TG: variants seen among roughly 807,000 people sequenced by gnomAD.
TG encodes thyroglobulin, also known as thyroid hormones.
A neutral mutation model predicts 324.7 loss-of-function variants in TG; 270 were observed. That is an observed-to-expected ratio of 0.83 (90% confidence interval 0.75 to 0.92). The LOEUF (loss-of-function observed/expected upper bound fraction) is 0.92. TG is among the 40% of genes least tolerant of loss of function. TG has a pLI of 0.00. For missense variants in TG, 3,591 were observed against 3,456.4 expected (o/e 1.04, Z -0.98); for synonymous variants, 1,401 against 1,327.0 (o/e 1.06, Z -1.21).
Position 132,908,166 on chromosome 8 carries a change from T to C in TG, c.3848-20T>C, listed in dbSNP as rs2261147. The C allele has an allele frequency of 0.59, 950,520 of 1,611,638 alleles. 291,529 individuals are homozygous for C. The highest frequency in any genetic ancestry group is 0.64 in the Admixed American group (38,593 of 59,950). The stretch of plus-strand genomic sequence containing the variant: ...TCTACAGGCCCATTGCCTCTGCTGA[T>C]CTCTGGTGCTTGCCTGCAGGGCCCC... On this transcript the variant is annotated intron_variant, in intron 17 of 47. Coordinates refer to ENST00000220616, the MANE Select transcript of TG (RefSeq NM_003235.5).
chr8:133,034,893 G>A (rs564227757), intron 41 of TG, among the ~76,000 whole-genome samples: 1 of 152,258 alleles, frequency 6.6e-6, no homozygotes, highest in African/African-American at 2.4e-5. Flanking sequence ...CCCTCTTTAG[G>A]TATGGTTACA....
intron 41 of TG, among the ~76,000 whole-genome samples, chr8:133,057,779 AAAAAAAAAC>A (rs1841720622): frequency 6.6e-6 from 1 of 151,966 alleles, no homozygotes; most frequent in South Asian, 2.1e-4. Flanking sequence ...AAAAACAAAA[AAAAAAAAAC>A]AAAAAAACAG....
chr8:133,068,075 C>G (rs1440819782), intron 41 of TG, among the ~76,000 whole-genome samples: 1 of 152,194 alleles, frequency 6.6e-6, no homozygotes, highest in African/African-American at 2.4e-5. Flanking sequence ...TGATAGGATA[C>G]CTCAATCCTG....
chr8:132,953,364 A>G (rs984262952), intron 27 of TG, among the ~76,000 whole-genome samples: 1 of 152,132 alleles, frequency 6.6e-6, no homozygotes, highest in Non-Finnish European at 1.5e-5. Flanking sequence ...AGATGCAAAG[A>G]TGGGGACAGT....
At chr8:132,929,988 C>T (rs1308995388) in intron 23 of TG, among the ~76,000 whole-genome samples, 2 of 152,124 alleles carry the variant, frequency 1.3e-5, no homozygotes, top group South Asian at 4.1e-4. Context: ...GTTTTACAAC[C>T]CTGTGCTCCT....
intron 16 of TG, among the ~76,000 whole-genome samples, chr8:132,906,343 A>G (rs965014135): frequency 1.3e-5 from 2 of 152,088 alleles, no homozygotes; most frequent in Non-Finnish European, 2.9e-5. Context: ...GCAGATACTA[A>G]GTTCAGGCCT....
chr8:133,060,003 C>A, intron 41 of TG: 7 of 1,257,782 alleles, frequency 5.6e-6, no homozygotes, highest in Non-Finnish European at 7.6e-6. Flanking sequence ...TACCCATTGC[C>A]CCATTTAAGT....
At position 132,876,784 on chromosome 8, in the gene TG, A is replaced by G. The variant is rs114475817; in HGVS notation, c.638+3563A>G. 3.4e-3 allele frequency among the ~76,000 whole-genome samples: 516 copies of G among 152,344 alleles called. 5 individuals are homozygous for G. The highest frequency in any genetic ancestry group is 0.012 in the African/African-American group (500 of 41,570). ...ACACATTCTGACCAAGCAGATCATA[A>G]GTAAAGGTCTTAAGAGCCTTCAAGC... On this transcript the variant is annotated intron_variant, in intron 5 of 47. Transcript: ENST00000220616.
rs774227997 is a variant in TG, at chr8:132,983,331, A to T, written c.6200-19A>T. 1.2e-6 allele frequency: 2 copies of T among 1,613,602 alleles called. No homozygotes were observed. Among genetic ancestry groups the T allele is most frequent in the East Asian group, 4.5e-5 (2 of 44,886 alleles). On this transcript the variant is annotated intron_variant, in intron 34 of 47. Coordinates refer to ENST00000220616, the MANE Select transcript of TG (RefSeq NM_003235.5). ...CATGGGGGTAGAAAAGAACTGAAAG[A>T]CTGCTTTTTCCTTTTCAGTTGCTCA...
chr8:133,093,850 G>A (rs1847973985), intron 41 of TG, among the ~76,000 whole-genome samples: 1 of 152,220 alleles, frequency 6.6e-6, no homozygotes, highest in African/African-American at 2.4e-5. Flanking sequence ...TGTTACATGG[G>A]ACAGTAAGAG....
Position 133,022,368 on chromosome 8 carries a change from T to G in TG, c.7036+218T>G, listed in dbSNP as rs3758113. On this transcript the variant is annotated intron_variant, in intron 40 of 47. Coordinates refer to ENST00000220616, the MANE Select transcript of TG (RefSeq NM_003235.5). ...TGATAACTTACTACATGTCTGAGCTTCACTGCTCCAAGTCCATTACAGGTC... is the reference window on the plus strand; with the variant it reads ...TGATAACTTACTACATGTCTGAGCTGCACTGCTCCAAGTCCATTACAGGTC... 0.51 allele frequency among the ~76,000 whole-genome samples: 76,853 copies of G among 152,074 alleles called. 21,112 individuals are homozygous for G. Among genetic ancestry groups the G allele is most frequent in the African/African-American group, 0.72 (30,009 of 41,486 alleles).
chr8:133,040,127 A>T, intron 41 of TG: 1 of 1,577,580 alleles, frequency 6.3e-7, no homozygotes, highest in Non-Finnish European at 8.6e-7. Context: ...GCCATCAGCC[A>T]CCTCTGAGGA....
At chr8:133,032,544 T>C (rs993679141) in intron 41 of TG, among the ~76,000 whole-genome samples, 1 of 152,246 alleles carries the variant, frequency 6.6e-6, no homozygotes, top group Admixed American at 6.5e-5. Flanking sequence ...CCCTTCCATC[T>C]GTTTTAGTCA....
chr8:132,955,198 A>G (rs762087156), intron 27 of TG, among the ~76,000 whole-genome samples: 21 of 152,180 alleles, frequency 1.4e-4, no homozygotes, highest in Non-Finnish European at 2.6e-4. Context: ...CTTTCCCCCC[A>G]CAAGTCACTA....
At position 132,923,327 on chromosome 8, in the gene TG, A is replaced by G. The variant is rs759659141; in HGVS notation, c.4529-11A>G. On this transcript the variant is annotated splice_polypyrimidine_tract_variant and intron_variant, in intron 21 of 47. Coordinates refer to ENST00000220616, the MANE Select transcript of TG (RefSeq NM_003235.5). ...CCATTATTGACGGCTATGTCAATCTATTGGTTCTAGGTGTCACTGACTGTC... is the reference window on the plus strand; with the variant it reads ...CCATTATTGACGGCTATGTCAATCTGTTGGTTCTAGGTGTCACTGACTGTC... 48 of 1,613,768 alleles carry G rather than the reference A, an allele frequency of 3.0e-5. No individual in the cohort carries two copies. The highest frequency in any genetic ancestry group is 3.9e-5 in the Non-Finnish European group (46 of 1,179,964).
At chr8:132,959,789 T>C (rs552602659) in intron 27 of TG, among the ~76,000 whole-genome samples, 5 of 152,322 alleles carry the variant, frequency 3.3e-5, no homozygotes, top group African/African-American at 1.2e-4. Flanking sequence ...GAGTTTTAAA[T>C]TGGGTAATAT....
intron 43 of TG, chr8:133,102,595 C>G: frequency 1.3e-6 from 2 of 1,549,748 alleles, no homozygotes; most frequent in South Asian, 2.4e-5. Context: ...CCATTCGCAG[C>G]AAATGATCTT....
intron 21 of TG, among the ~76,000 whole-genome samples, chr8:132,920,917 G>A (rs140613825): frequency 8.1e-4 from 123 of 152,362 alleles, no homozygotes; most frequent in African/African-American, 2.9e-3. Context: ...ACACTGGGTT[G>A]CCTAAGCAAC....
Position 133,019,688 on chromosome 8 carries a change from A to G in TG, c.6869A>G (p.Gln2290Arg). ...DCLYLNVFIP[Q>R]NVAPNASVLV... ...TTGTATCTCAATGTGTTCATCCCTC[A>G]GAATGTGGTGAGTTCAAAAGCACTT... is the stretch of plus-strand genomic sequence containing the variant. Residue 2290 changes from glutamine (Q) to arginine (R), a missense_variant, in exon 39 of 48, where the codon CAG (glutamine) becomes CGG (arginine). Physicochemically the swap from Gln to Arg is conservative, Grantham distance 43. Coordinates refer to ENST00000220616, the MANE Select transcript of TG (RefSeq NM_003235.5). 6.2e-7 allele frequency: 1 copy of G among 1,612,872 alleles called. No individual in the cohort carries two copies. The highest frequency in any genetic ancestry group is 8.5e-7 in the Non-Finnish European group (1 of 1,179,210).
Sources: allele counts gnomAD v4.1 joint callset (sites outside exome capture counted in the v4.1 genomes callset), GRCh38; gene constraint gnomAD v4.1.1; transcripts MANE v1.5; gene names NCBI Gene and HGNC (gene_info 2026-07-23, HGNC 2026-07-21).